The following TBC1D9B variants were observed in gnomAD, a reference collection of about 807,000 sequenced individuals.
The protein encoded by TBC1D9B is TBC1 domain family, member 9B (with GRAM domain).
Under a neutral mutation model 121.1 loss-of-function variants are expected in TBC1D9B, and 87 were observed. That is an observed-to-expected ratio of 0.72 (90% CI 0.60 to 0.86). TBC1D9B has a LOEUF of 0.86. TBC1D9B is among the 40% of genes least tolerant of loss of function. TBC1D9B has a pLI of 0.00. For missense variants in TBC1D9B, 1,540 were observed against 1,628.6 expected, an observed-to-expected ratio of 0.95 and a Z score of 0.94; for synonymous variants, 668 against 670.1, an observed-to-expected ratio of 1.00 and a Z score of 0.05.
At chr5:179,879,272 C>T in intron 8 of TBC1D9B, 75 bp from the exon 9 acceptor site, 5 of 1,530,598 alleles carry the variant, frequency 3.3e-6, no homozygotes, top group Non-Finnish European at 4.4e-6. Context: ...ACCGCGGAAG[C>T]CTCGTGAACA....
chr5:179,901,025 T>A (rs1561649839), intron 2 of TBC1D9B, among the ~76,000 whole-genome samples: 1 of 152,184 alleles, frequency 6.6e-6, no homozygotes, highest in Admixed American at 6.5e-5. Context: ...CCGGCTGTTC[T>A]GCTTGGGACT....
chr5:179,866,160 T>G, intron 18 of TBC1D9B: 1 of 435,748 alleles, frequency 2.3e-6, no homozygotes, highest in Non-Finnish European at 4.2e-6. Flanking sequence ...AATACAAGTC[T>G]CAACATGCTG....
At position 179,863,404 on chromosome 5, in the gene TBC1D9B, G is replaced by A; in HGVS notation, c.*44C>T. 1 of 1,586,182 alleles carries A rather than the reference G, an allele frequency of 6.3e-7. No individual in the cohort carries two copies. The highest frequency in any genetic ancestry group is 8.6e-7 in the Non-Finnish European group (1 of 1,165,102). Reference sequence around the variant, plus strand: ...GGAAAGGCAGGAGGAGATGAGGCCAGCCCCACTGATGACACCTTGGGCCAG... The same window carrying A: ...GGAAAGGCAGGAGGAGATGAGGCCAACCCCACTGATGACACCTTGGGCCAG... On this transcript the variant is annotated 3_prime_UTR_variant, in exon 21 of 21. Transcript: ENST00000355235. This position sits in a 1 kb window ranked among gnomAD's most constrained non-coding sequence, Gnocchi z 4.5.
chr5:179,869,748 G>C, intron 17 of TBC1D9B, 21 bp downstream of exon 17: 1 of 1,611,478 alleles, frequency 6.2e-7, no homozygotes, highest in Non-Finnish European at 8.5e-7. Flanking sequence ...CCTGGCTGGG[G>C]AGTGGGCAGG....
intron 10 of TBC1D9B, 106 bp from the exon 11 acceptor site, chr5:179,876,143 A>G: frequency 1.3e-6 from 1 of 770,088 alleles, no homozygotes; most frequent in Non-Finnish European, 2.0e-6. Flanking sequence ...GGCCCACATG[A>G]TCTTCTTTTT....
chr5:179,865,420 C>G lies in TBC1D9B; in HGVS notation c.2915-60G>C. The G allele has an allele frequency of 6.6e-7, 1 of 1,504,478 alleles. No individual in the cohort carries two copies. 93.2% of individuals were successfully genotyped at this position (1,504,478 alleles called of 1,614,324 possible). A position where few individuals can be genotyped will look rare whatever the true frequency, so the allele number is the denominator to read the frequency against. On this transcript the variant is annotated intron_variant, in intron 19 of 20. Transcript: ENST00000355235. This position sits in a 1 kb window ranked among gnomAD's most constrained non-coding sequence, Gnocchi z 5.1. The stretch of plus-strand genomic sequence containing the variant: ...ATGTGAGACGGCTGCGGGCTGACAG[C>G]AGGGAGAGGAAGAGTTGGGTGTTTT...
In TBC1D9B at chr5:179,879,671, A is replaced by C. The variant is rs746183806; in HGVS notation, c.1373T>G (p.Leu458Arg). 6.2e-7 allele frequency: 1 copy of C among 1,614,132 alleles called. No homozygotes were observed. Among genetic ancestry groups the C allele is most frequent in the South Asian group, 1.1e-5 (1 of 91,084 alleles). ...APTASQGLLKLFQKNSPMEDL... is the reference protein window; with the variant it reads ...APTASQGLLKRFQKNSPMEDL... The stretch of plus-strand genomic sequence containing the variant: ...CTCCATGGGCGAGTTTTTCTGGAAG[A>C]GCTTCAGCAGGCCCTGGGATGCGGT... The change falls in exon 8 of 21, where the codon CTC becomes CGC. Residue 458 changes from leucine (L) to arginine (R), a missense_variant. By Grantham distance (102) the Leu-to-Arg change is moderately radical (BLOSUM62 -2). Transcript: ENST00000355235.
chr5:179,907,505 C>G lies in TBC1D9B; in HGVS notation c.118+199G>C, dbSNP rs2113658576. On this transcript the variant is annotated intron_variant, in intron 1 of 20. Transcript: ENST00000355235. This position sits in a 1 kb window ranked among gnomAD's most constrained non-coding sequence, Gnocchi z 5.3. ...GGGCGCATTCGCCTCCCGCCAGCCC[C>G]TCGCCTCCCCGCCCCGGCCCCTCCG... 6.6e-6 allele frequency among the ~76,000 whole-genome samples: 1 copy of G among 150,968 alleles called. No individual in the cohort carries two copies. Among genetic ancestry groups the G allele is most frequent in the East Asian group, 2.0e-4 (1 of 5,124 alleles).
intron 18 of TBC1D9B, chr5:179,867,226 C>G: frequency 1.9e-6 from 1 of 529,142 alleles, no homozygotes; most frequent in Non-Finnish European, 3.4e-6. Flanking sequence ...TGCCCTGGGC[C>G]TGCTTGGCGC....
chr5:179,872,848 G>GCCCCCCCCCCCCCCCCCCCCCCC, intron 14 of TBC1D9B, 44 bp downstream of exon 14: 5 of 1,457,236 alleles, frequency 3.4e-6, no homozygotes, highest in East Asian at 4.8e-5. Context: ...AGGCACTGCT[G>GCCCCCCCCCCCCCCCCCCCCCCC]CCCCCCCAGC....
At chr5:179,901,380 T>C (rs1695527716) in intron 2 of TBC1D9B, among the ~76,000 whole-genome samples, 2 of 152,240 alleles carry the variant, frequency 1.3e-5, no homozygotes, top group African/African-American at 4.8e-5. Context: ...CAAATTTACA[T>C]GTGGTGCAAC....
intron 5 of TBC1D9B, among the ~76,000 whole-genome samples, chr5:179,892,889 T>G (rs1760904724): frequency 6.6e-6 from 1 of 152,232 alleles, no homozygotes; most frequent in African/African-American, 2.4e-5. Context: ...GCAAGTTACT[T>G]AACCTCTCTG....
chr5:179,894,402 G>A lies in TBC1D9B; in HGVS notation c.561C>T (p.Phe187=), dbSNP rs375291878. The change falls in exon 4 of 21, where the codon TTC becomes TTT. Residue 187 remains phenylalanine, a synonymous_variant. Coordinates refer to ENST00000355235, the MANE Select transcript of TBC1D9B (RefSeq NM_015043.4). ...LTVNHLCFYS[F]LLGKEVSLVV... ...CGGGCTCACCTTCCTTCCCCAGCAGGAAGGAGTAGAAGCACAGGTGGTTGA... is the reference window on the plus strand; with the variant it reads ...CGGGCTCACCTTCCTTCCCCAGCAGAAAGGAGTAGAAGCACAGGTGGTTGA... 3.7e-6 allele frequency: 6 copies of A among 1,613,352 alleles called. No homozygotes were observed. Among genetic ancestry groups the A allele is most frequent in the Non-Finnish European group, 5.1e-6 (6 of 1,179,704 alleles).
At chr5:179,882,838 C>T (rs1179244254) in intron 7 of TBC1D9B, among the ~76,000 whole-genome samples, 1 of 152,136 alleles carries the variant, frequency 6.6e-6, no homozygotes, top group African/African-American at 2.4e-5. Context: ...CCTCCCCAAC[C>T]CCCAACAAAA....
Position 179,862,865 on chromosome 5 carries a change from A to C in TBC1D9B, c.*583T>G. ...TTTAAAGTTACTGGAAAGGATGATG[A>C]GCTGAGAGCACGTGTACAGCCACGC... On this transcript the variant is annotated 3_prime_UTR_variant, in exon 21 of 21. Coordinates refer to ENST00000355235, the MANE Select transcript of TBC1D9B (RefSeq NM_015043.4). The C allele has an allele frequency of 3.0e-6, 1 of 330,780 alleles. No homozygotes were observed. The highest frequency in any genetic ancestry group is 6.1e-6 in the Non-Finnish European group (1 of 162,828). The allele number at this position is 330,780 out of a possible 1,614,324, so 20.5% of individuals were successfully genotyped here. A position where few individuals can be genotyped will look rare whatever the true frequency, so the allele number is the denominator to read the frequency against.
At chr5:179,899,053 A>T (rs1166438181) in intron 3 of TBC1D9B, 136 bp downstream of exon 3, 2 of 679,116 alleles carry the variant, frequency 2.9e-6, no homozygotes, top group Non-Finnish European at 4.9e-6. Context: ...ACTCCAAGAG[A>T]AGGAGCGCTG....
In TBC1D9B at chr5:179,875,704, T is replaced by C. The variant is rs1468392720; in HGVS notation, c.1900+216A>G. 1.3e-5 allele frequency among the ~76,000 whole-genome samples: 2 copies of C among 152,236 alleles called. No individual in the cohort carries two copies. The highest frequency in any genetic ancestry group is 4.8e-5 in the African/African-American group (2 of 41,452). On this transcript the variant is annotated intron_variant, in intron 11 of 20. Coordinates refer to ENST00000355235, the MANE Select transcript of TBC1D9B (RefSeq NM_015043.4). This position sits in a 1 kb window ranked among gnomAD's most constrained non-coding sequence, Gnocchi z 4.5. ...GATATATACTCTCTAGTTTTGATGT[T>C]TGAAATTTTCCATAATCAAAAAGTT...
chr5:179,886,776 T>C (rs565727475), intron 7 of TBC1D9B, among the ~76,000 whole-genome samples: 1 of 152,230 alleles, frequency 6.6e-6, no homozygotes, highest in Admixed American at 6.5e-5. Context: ...AATTTGCATA[T>C]GGACTCTTCT....
Position 179,899,316 on chromosome 5 carries a change from G to A in TBC1D9B, c.230-9C>T, listed in dbSNP as rs749419729. On this transcript the variant is annotated splice_polypyrimidine_tract_variant and intron_variant, in intron 2 of 20. Transcript: ENST00000355235. ...CTCTTTGCGGGAAGAACCTAGAAGA[G>A]GTTTGGTAAAGTAAAAGAAAAATCA... is the stretch of plus-strand genomic sequence containing the variant. The A allele has an allele frequency of 6.2e-7, 1 of 1,610,704 alleles. No individual in the cohort carries two copies. The highest frequency in any genetic ancestry group is 2.2e-5 in the East Asian group (1 of 44,844).
Sources: gnomAD v4.1 joint callset for allele counts (sites outside exome capture counted in the v4.1 genomes callset) on GRCh38, gnomAD v4.1.1 for gene constraint, Gnocchi (gnomAD v3.1) non-coding constraint, MANE v1.5 for transcripts, NCBI Gene and HGNC (gene_info 2026-07-23, HGNC 2026-07-21) for gene names.